The following GPC6 variants were observed in gnomAD, a reference collection of about 807,000 sequenced individuals.
GPC6 encodes glypican-6.
Under a neutral mutation model 55.2 loss-of-function variants are expected in GPC6, and 14 were observed. The observed-to-expected ratio is 0.25, with a 90% CI of 0.17 to 0.40. GPC6 has a LOEUF of 0.40. Ranked by LOEUF, GPC6 falls within the 10% of genes least tolerant of loss-of-function variation. The pLI, the probability that GPC6 is intolerant of heterozygous loss-of-function variation, is 1.00. For missense variants in GPC6, 641 were observed against 708.5 expected, an observed-to-expected ratio of 0.90 and a Z score of 1.08; for synonymous variants, 278 against 259.6, an observed-to-expected ratio of 1.07 and a Z score of -0.68.
At position 94,027,903 on chromosome 13, in the gene GPC6, T is replaced by A; in HGVS notation, c.877+9T>A. Reference sequence around the variant, plus strand: ...GTGGAATCTGTTTATAGGTAAGAAGTGTTTAAATGGATCCGAGAACAGAGA... The same window carrying A: ...GTGGAATCTGTTTATAGGTAAGAAGAGTTTAAATGGATCCGAGAACAGAGA... On this transcript the variant is annotated intron_variant, in intron 4 of 8. Coordinates refer to ENST00000377047, the MANE Select transcript of GPC6 (RefSeq NM_005708.5). 1 of 1,612,494 alleles carries A rather than the reference T, an allele frequency of 6.2e-7. No individual in the cohort carries two copies. The highest frequency in any genetic ancestry group is 8.5e-7 in the Non-Finnish European group (1 of 1,178,668).
chr13:94,024,140 A>G (rs1422016199), intron 3 of GPC6, among the ~76,000 whole-genome samples: 2 of 145,936 alleles, frequency 1.4e-5, no homozygotes, highest in Non-Finnish European at 3.0e-5. Context: ...CACACAAGTG[A>G]ATACAGGTTC....
chr13:93,592,463 G>A (rs190382287), intron 2 of GPC6, among the ~76,000 whole-genome samples: 3 of 149,266 alleles, frequency 2.0e-5, no homozygotes, highest in South Asian at 2.1e-4. Context: ...GTTGGCCAGG[G>A]TGGTCTCAAT....
chr13:93,629,015 G>A (rs1257447047), intron 2 of GPC6, among the ~76,000 whole-genome samples: 1 of 142,628 alleles, frequency 7.0e-6, no homozygotes, highest in Non-Finnish European at 1.5e-5. Context: ...AACATGAGAT[G>A]TAAAACTGTA....
At chr13:94,179,711 A>G (rs1423459640) in intron 4 of GPC6, among the ~76,000 whole-genome samples, 1 of 152,188 alleles carries the variant, frequency 6.6e-6, no homozygotes, top group Non-Finnish European at 1.5e-5. Flanking sequence ...GTTAGCTGAG[A>G]AAGCACAACA....
chr13:94,217,345 TC>T (rs1174104033), intron 4 of GPC6, among the ~76,000 whole-genome samples: 1 of 152,186 alleles, frequency 6.6e-6, no homozygotes, highest in Non-Finnish European at 1.5e-5. Flanking sequence ...GAGCCTTAAA[TC>T]AATGACCTCA....
intron 1 of GPC6, among the ~76,000 whole-genome samples, chr13:93,445,993 G>A (rs952934486): frequency 6.6e-6 from 1 of 152,158 alleles, no homozygotes; most frequent in Non-Finnish European, 1.5e-5. Flanking sequence ...TAAAAAGGTT[G>A]TCTATCAGAA....
chr13:93,801,606 A>G (rs959725155), intron 2 of GPC6, among the ~76,000 whole-genome samples: 4 of 152,070 alleles, frequency 2.6e-5, no homozygotes, highest in Non-Finnish European at 4.4e-5. Context: ...TGCTGGTACC[A>G]TTTCCTCAGA....
At chr13:93,598,829 G>C (rs1297353254) in intron 2 of GPC6, among the ~76,000 whole-genome samples, 4 of 152,090 alleles carry the variant, frequency 2.6e-5, no homozygotes, top group Non-Finnish European at 5.9e-5. Context: ...AAATTAATCT[G>C]ATATTTTAAT....
At chr13:94,255,051 A>AT (rs1190261913) in intron 4 of GPC6, among the ~76,000 whole-genome samples, 2 of 152,206 alleles carry the variant, frequency 1.3e-5, no homozygotes, top group Non-Finnish European at 2.9e-5. Context: ...CCACTTGAAA[A>AT]TTTAGTGCTA....
At chr13:93,580,029 C>T (rs1876861319) in intron 2 of GPC6, among the ~76,000 whole-genome samples, 1 of 152,186 alleles carries the variant, frequency 6.6e-6, no homozygotes, top group Non-Finnish European at 1.5e-5. Flanking sequence ...GTCCCAGTCA[C>T]TTCAGGCTGC....
rs572223935 is a variant in GPC6 at position 93,468,020 on chromosome 13, G to T, written c.161-77243G>T. 5.9e-5 allele frequency among the ~76,000 whole-genome samples: 9 copies of T among 152,050 alleles called. 1 individual carries two copies. The South Asian group carries it at 1.9e-3, about 32-fold the overall frequency. On this transcript the variant is annotated intron_variant, in intron 1 of 8. Coordinates refer to ENST00000377047, the MANE Select transcript of GPC6 (RefSeq NM_005708.5). ...TAGAGTCCTAGCAAGTAAAATTTTT[G>T]ATTTTTTTATCCACAGATAAACAAA...
intron 4 of GPC6, among the ~76,000 whole-genome samples, chr13:94,147,667 G>A (rs1887609846): frequency 6.6e-6 from 1 of 152,090 alleles, no homozygotes; most frequent in African/African-American, 2.4e-5. Context: ...TTACCCTGAG[G>A]CCCTGGCTCT....
chr13:93,541,012 T>C (rs1001768857), intron 1 of GPC6, among the ~76,000 whole-genome samples: 2 of 151,416 alleles, frequency 1.3e-5, no homozygotes, highest in African/African-American at 4.9e-5. Flanking sequence ...CAGTGAATGA[T>C]GGGATATCAT....
chr13:93,331,113 A>G (rs1217049355), intron 1 of GPC6, among the ~76,000 whole-genome samples: 2 of 151,942 alleles, frequency 1.3e-5, no homozygotes, highest in Admixed American at 1.3e-4. Context: ...TTTCAGTCTT[A>G]TTTTTTATTC....
At chr13:93,438,152 C>T (rs1291643010) in intron 1 of GPC6, among the ~76,000 whole-genome samples, 1 of 152,146 alleles carries the variant, frequency 6.6e-6, no homozygotes, top group African/African-American at 2.4e-5. Flanking sequence ...AGTATTACTG[C>T]TCATTGACAA....
chr13:94,364,032 T>G (rs1879180699), intron 6 of GPC6, among the ~76,000 whole-genome samples: 1 of 152,260 alleles, frequency 6.6e-6, no homozygotes, highest in Non-Finnish European at 1.5e-5. Flanking sequence ...CAACTTACTT[T>G]TTTTAAAATG....
chr13:93,448,502 A>C (rs1878094815), intron 1 of GPC6, among the ~76,000 whole-genome samples: 6 of 152,198 alleles, frequency 3.9e-5, no homozygotes. Context: ...TTAGAAAGGC[A>C]TAGTGTAAGT....
chr13:94,365,306 G>A (rs1359899720), intron 6 of GPC6, among the ~76,000 whole-genome samples: 1 of 152,074 alleles, frequency 6.6e-6, no homozygotes, highest in East Asian at 1.9e-4. Flanking sequence ...TGGGTGCTGT[G>A]GTTTACATTC....
At chr13:93,796,426 C>T (rs1238353219) in intron 2 of GPC6, among the ~76,000 whole-genome samples, 1 of 152,008 alleles carries the variant, frequency 6.6e-6, no homozygotes, top group Non-Finnish European at 1.5e-5. Context: ...TTTGACCTAG[C>T]AATCACAGTA....
Sources: allele counts gnomAD v4.1 joint callset (sites outside exome capture counted in the v4.1 genomes callset), GRCh38; gene constraint gnomAD v4.1.1; transcripts MANE v1.5; gene names NCBI Gene and HGNC (gene_info 2026-07-23, HGNC 2026-07-21).